KIAA2012: variants seen among roughly 807,000 people sequenced by gnomAD.
KIAA2012 encodes the protein KIAA2012, also known as uncharacterized protein KIAA2012.
Under a neutral mutation model 150.6 loss-of-function variants are expected in KIAA2012, and 125 were observed. That is an observed-to-expected ratio of 0.83 (90% CI 0.72 to 0.96). The LOEUF is 0.96. Ranked by LOEUF, KIAA2012 falls within the 40% of genes least tolerant of loss-of-function variation. The pLI is 0.00. For missense variants in KIAA2012, 1,219 were observed against 1,354.9 expected, an observed-to-expected ratio of 0.90 and a Z score of 1.57; for synonymous variants, 462 against 504.7, an observed-to-expected ratio of 0.92 and a Z score of 1.13.
intron 13 of KIAA2012, among the ~76,000 whole-genome samples, chr2:202,149,586 C>T (rs984054641): frequency 1.1e-4 from 16 of 152,330 alleles, no homozygotes; most frequent in South Asian, 2.1e-4. Flanking sequence ...TTGCAGCCTC[C>T]TTAATGAGAG....
intron 9 of KIAA2012, among the ~76,000 whole-genome samples, chr2:202,106,693 A>T (rs74926632): frequency 4.5e-5 from 6 of 131,984 alleles, no homozygotes; most frequent in East Asian, 4.2e-4. Context: ...TCTAAAAATA[A>T]AAAAAAAAAA....
chr2:202,116,875 C>G (rs1001274426), intron 11 of KIAA2012: 1 of 152,158 alleles, frequency 6.6e-6, no homozygotes, highest in Non-Finnish European at 1.5e-5. Flanking sequence ...CTCTCTCTCT[C>G]GGATTACTCA....
chr2:202,089,036 T>C (rs573635073), intron 2 of KIAA2012, among the ~76,000 whole-genome samples: 21 of 152,228 alleles, frequency 1.4e-4, no homozygotes, highest in Non-Finnish European at 2.5e-4. Context: ...TCCCACTCTT[T>C]GGCTTGTGCT....
chr2:202,164,930 C>T (rs1183066148), intron 14 of KIAA2012, among the ~76,000 whole-genome samples: 4 of 151,592 alleles, frequency 2.6e-5, no homozygotes, highest in African/African-American at 9.7e-5. Flanking sequence ...GCCTGCCTGG[C>T]CCTGGCTTTT....
chr2:202,085,337 C>T (rs1319310907), intron 2 of KIAA2012, among the ~76,000 whole-genome samples: 3 of 152,092 alleles, frequency 2.0e-5, no homozygotes, highest in African/African-American at 7.2e-5. Context: ...CAATAGATGG[C>T]CTCGAAATGG....
At chr2:202,107,781 G>A (rs191111993) in intron 9 of KIAA2012, among the ~76,000 whole-genome samples, 71 of 152,204 alleles carry the variant, frequency 4.7e-4, no homozygotes, top group Non-Finnish European at 9.0e-4. Context: ...AGGCCAAGGC[G>A]GCAGATCACC....
intron 11 of KIAA2012, among the ~76,000 whole-genome samples, chr2:202,121,641 G>A (rs971278788): frequency 6.6e-6 from 1 of 152,184 alleles, no homozygotes; most frequent in Non-Finnish European, 1.5e-5. Context: ...TCATAGGTAA[G>A]GAGACTGAAA....
chr2:202,196,217 CAG>C (rs1479063889), intron 21 of KIAA2012, among the ~76,000 whole-genome samples: 3 of 43,128 alleles, frequency 7.0e-5, no homozygotes, highest in African/African-American at 1.0e-4. Flanking sequence ...TTTTTTGAGA[CAG>C]AGTCTCGCTC....
At chr2:202,098,934 G>A (rs1689971036) in intron 5 of KIAA2012, among the ~76,000 whole-genome samples, 2 of 145,800 alleles carry the variant, frequency 1.4e-5, no homozygotes. Context: ...AGGAGAAGAG[G>A]AAAGGGGGAG....
In KIAA2012 at chr2:202,112,531, A is replaced by G. The variant is rs567793840; in HGVS notation, c.1652-805A>G. 3.3e-5 allele frequency among the ~76,000 whole-genome samples: 5 copies of G among 152,344 alleles called. No individual in the cohort carries two copies. In the East Asian group the frequency reaches 9.6e-4, roughly 29 times the overall value. ...AATTTAGAGCTGGTCGGTCAGAAGT[A>G]CAGGTCACAATCTGGGACTTGCAAT... On this transcript the variant is annotated intron_variant, in intron 10 of 23. Coordinates refer to ENST00000498697, the MANE Select transcript of KIAA2012 (RefSeq NM_001277372.4).
At chr2:202,085,900 T>C (rs1209216707) in intron 2 of KIAA2012, among the ~76,000 whole-genome samples, 5 of 152,076 alleles carry the variant, frequency 3.3e-5, no homozygotes, top group African/African-American at 1.2e-4. Flanking sequence ...CCAGGCGCAG[T>C]GGCTCACGCC....
intron 15 of KIAA2012, among the ~76,000 whole-genome samples, chr2:202,182,108 CTTTTTT>C (rs754494077): frequency 9.6e-6 from 1 of 104,122 alleles, no homozygotes; most frequent in East Asian, 2.8e-4. Flanking sequence ...TTTCTTTATT[CTTTTTT>C]TTTTTTTTTT....
At chr2:202,096,743 C>T (rs1454344279) in intron 4 of KIAA2012, among the ~76,000 whole-genome samples, 1 of 152,164 alleles carries the variant, frequency 6.6e-6, no homozygotes, top group East Asian at 1.9e-4. Flanking sequence ...AGCTTGGCTC[C>T]AAACAAGGAA....
chr2:202,184,375 C>T (rs1472672266), intron 15 of KIAA2012, among the ~76,000 whole-genome samples: 1 of 127,922 alleles, frequency 7.8e-6, no homozygotes, highest in Non-Finnish European at 1.6e-5. Context: ...CAGAGCAAGA[C>T]TCCGTCTCAA....
intron 15 of KIAA2012, chr2:202,179,171 T>C: frequency 1.9e-6 from 1 of 526,570 alleles, no homozygotes; most frequent in South Asian, 1.7e-5. Flanking sequence ...GAATGTAAGC[T>C]CCCTTAGACC....
chr2:202,203,156 A>G (rs905248613), intron 23 of KIAA2012, among the ~76,000 whole-genome samples: 2 of 152,194 alleles, frequency 1.3e-5, no homozygotes, highest in African/African-American at 4.8e-5. Context: ...AAAACTGCCC[A>G]TAATTTCAGT....
At chr2:202,185,886 C>T (rs1285388371) in intron 16 of KIAA2012, among the ~76,000 whole-genome samples, 1 of 152,156 alleles carries the variant, frequency 6.6e-6, no homozygotes, top group African/African-American at 2.4e-5. Context: ...GATTTAAAGT[C>T]TCATATATTT....
At chr2:202,079,749 G>T (rs1341431646) in intron 2 of KIAA2012, among the ~76,000 whole-genome samples, 2 of 152,130 alleles carry the variant, frequency 1.3e-5, no homozygotes, top group Non-Finnish European at 2.9e-5. Flanking sequence ...AGGAAATCTT[G>T]TTTAGCATTT....
chr2:202,177,333 C>G (rs1692012841), intron 15 of KIAA2012, among the ~76,000 whole-genome samples: 1 of 152,048 alleles, frequency 6.6e-6, no homozygotes, highest in African/African-American at 2.4e-5. Flanking sequence ...ATTGAAGAGA[C>G]TGATTACCTC....
Sources: allele counts gnomAD v4.1 joint callset (sites outside exome capture counted in the v4.1 genomes callset), GRCh38; gene constraint gnomAD v4.1.1; transcripts MANE v1.5; gene names NCBI Gene and HGNC (gene_info 2026-07-23, HGNC 2026-07-21).